FHIT: variants seen among roughly 807,000 people sequenced by gnomAD.
FHIT encodes the protein bis(5'-adenosyl)-triphosphatase.
In FHIT, 19 loss-of-function variants were observed where a neutral mutation model predicts 17.9. The observed-to-expected ratio is 1.06, with a 90% CI of 0.74 to 1.56. FHIT has a LOEUF of 1.56. FHIT is among the 40% of genes most tolerant of loss of function. The probability of loss-of-function intolerance (pLI) is 0.00; values close to 1 mark genes in which losing one functional copy is unlikely to be tolerated. For missense variants in FHIT, 248 were observed against 189.2 expected (o/e 1.31, Z -1.82); for synonymous variants, 81 against 69.7 (o/e 1.16, Z -0.81).
intron 5 of FHIT, among the ~76,000 whole-genome samples, chr3:60,068,066 T>C (rs891853270): frequency 1.1e-4 from 16 of 151,812 alleles, no homozygotes; most frequent in Non-Finnish European, 2.1e-4. Context: ...TGAAACCCCG[T>C]CTCTACTAAA....
At chr3:60,471,121 C>G (rs916351550) in intron 5 of FHIT, among the ~76,000 whole-genome samples, 1 of 152,192 alleles carries the variant, frequency 6.6e-6, no homozygotes, top group African/African-American at 2.4e-5. Context: ...ACTCTCTCCT[C>G]TCCTCTTCTG....
chr3:60,664,438 C>G (rs1240215420), intron 4 of FHIT, among the ~76,000 whole-genome samples: 1 of 151,904 alleles, frequency 6.6e-6, no homozygotes. Context: ...TTCCTCCCTC[C>G]CCCTTCTTCC....
chr3:61,053,114 C>T (rs1368017138), intron 2 of FHIT, among the ~76,000 whole-genome samples: 2 of 152,158 alleles, frequency 1.3e-5, no homozygotes, highest in African/African-American at 4.8e-5. Flanking sequence ...CGCCTCCCAT[C>T]CACTGCAGGG....
At chr3:59,858,215 C>T (rs1487672530) in intron 8 of FHIT, among the ~76,000 whole-genome samples, 2 of 142,314 alleles carry the variant, frequency 1.4e-5, no homozygotes, top group Non-Finnish European at 3.1e-5. Context: ...AAATGGTGAT[C>T]TTCCTTCCTT....
intron 5 of FHIT, among the ~76,000 whole-genome samples, chr3:60,510,596 C>A (rs191905238): frequency 4.7e-5 from 7 of 149,502 alleles, no homozygotes; most frequent in Non-Finnish European, 1.0e-4. Flanking sequence ...AAAATGAGAT[C>A]TCATGGGAGA....
At chr3:60,249,813 G>T (rs7650713) in intron 5 of FHIT, among the ~76,000 whole-genome samples, 2 of 151,832 alleles carry the variant, frequency 1.3e-5, no homozygotes, top group South Asian at 2.1e-4. Flanking sequence ...ATTTATAAAG[G>T]AAAGAGATTT....
intron 3 of FHIT, among the ~76,000 whole-genome samples, chr3:61,000,866 T>G (rs1272556188): frequency 6.6e-6 from 1 of 152,072 alleles, no homozygotes; most frequent in Non-Finnish European, 1.5e-5. Flanking sequence ...ACTCTACCAC[T>G]AGGGCAGCGA....
intron 2 of FHIT, among the ~76,000 whole-genome samples, chr3:61,141,409 C>T (rs1358083819): frequency 6.6e-6 from 1 of 152,108 alleles, no homozygotes; most frequent in Non-Finnish European, 1.5e-5. Flanking sequence ...ATTCAACAGT[C>T]AGAATAAGAA....
chr3:60,886,480 C>A (rs1705227208), intron 3 of FHIT, among the ~76,000 whole-genome samples: 1 of 152,118 alleles, frequency 6.6e-6, no homozygotes, highest in Non-Finnish European at 1.5e-5. Context: ...CTCATAGGGA[C>A]AATGGTATTT....
chr3:60,336,124 C>T (rs1455000190), intron 5 of FHIT, among the ~76,000 whole-genome samples: 1 of 152,190 alleles, frequency 6.6e-6, no homozygotes, highest in Non-Finnish European at 1.5e-5. Flanking sequence ...TCCATGGGCT[C>T]TCTCCACATG....
chr3:61,184,020 C>T (rs893938396), intron 2 of FHIT, among the ~76,000 whole-genome samples: 15 of 151,884 alleles, frequency 9.9e-5, no homozygotes, highest in African/African-American at 1.5e-4. Flanking sequence ...GTAATACTGA[C>T]GGAGCTTCGC....
chr3:60,006,662 A>T (rs1379837273), intron 7 of FHIT, among the ~76,000 whole-genome samples: 1 of 152,128 alleles, frequency 6.6e-6, no homozygotes, highest in African/African-American at 2.4e-5. Flanking sequence ...TTCAAAAAAA[A>T]AAAACAAGGA....
intron 2 of FHIT, among the ~76,000 whole-genome samples, chr3:61,053,369 T>A (rs2034098148): frequency 6.6e-6 from 1 of 152,102 alleles, no homozygotes; most frequent in Non-Finnish European, 1.5e-5. Flanking sequence ...TTTAAAAAAA[T>A]TGTGTTCGGC....
At chr3:60,619,600 C>CAA (rs57198487) in intron 4 of FHIT, among the ~76,000 whole-genome samples, 59 of 88,678 alleles carry the variant, frequency 6.7e-4, no homozygotes, top group African/African-American at 2.1e-3. Context: ...TACCCACATG[C>CAA]AAAAAAAAAA....
At chr3:61,189,720 T>G (rs1184162525) in intron 2 of FHIT, among the ~76,000 whole-genome samples, 2 of 152,054 alleles carry the variant, frequency 1.3e-5, no homozygotes, top group African/African-American at 2.4e-5. Context: ...AGCATGGTAC[T>G]GGTACCAAAA....
intron 4 of FHIT, among the ~76,000 whole-genome samples, chr3:60,710,722 G>A (rs541237982): frequency 4.6e-5 from 7 of 152,332 alleles, no homozygotes; most frequent in South Asian, 2.1e-4. Context: ...GCTGGGGAAG[G>A]GGCGACCGCC....
At chr3:60,968,515 C>T (rs912855120) in intron 3 of FHIT, among the ~76,000 whole-genome samples, 1 of 150,288 alleles carries the variant, frequency 6.7e-6, no homozygotes, top group African/African-American at 2.5e-5. Flanking sequence ...GGGGTTCAAA[C>T]AATTCTCCTG....
chr3:60,226,341 G>C (rs140465392), intron 5 of FHIT, among the ~76,000 whole-genome samples: 3 of 151,848 alleles, frequency 2.0e-5, no homozygotes, highest in Non-Finnish European at 4.4e-5. Context: ...GCATAGTGGC[G>C]CATGCCTGTA....
At chr3:59,920,769 A>G (rs1392052337) in intron 8 of FHIT, among the ~76,000 whole-genome samples, 3 of 152,170 alleles carry the variant, frequency 2.0e-5, no homozygotes, top group African/African-American at 7.2e-5. Context: ...ATCTCTTTAT[A>G]ATTACTCTAT....
Sources: gnomAD v4.1 joint callset for allele counts (sites outside exome capture counted in the v4.1 genomes callset) on GRCh38, gnomAD v4.1.1 for gene constraint, MANE v1.5 for transcripts, NCBI Gene and HGNC (gene_info 2026-07-23, HGNC 2026-07-21) for gene names.